TPO: variants seen among roughly 807,000 people sequenced by gnomAD.
The protein encoded by TPO is thyroid microsomal antigen.
A neutral mutation model predicts 96.9 loss-of-function variants in TPO; 78 were observed. The observed-to-expected ratio is 0.81, with a 90% confidence interval of 0.67 to 0.97. TPO has a LOEUF of 0.97. Ranked by LOEUF, TPO falls within the 50% of genes least tolerant of loss-of-function variation. The probability of loss-of-function intolerance (pLI) is 0.00; values close to 1 mark genes in which losing one functional copy is unlikely to be tolerated. For missense variants in TPO, 1,252 were observed against 1,274.8 expected (o/e 0.98, Z 0.27); for synonymous variants, 547 against 538.0 (o/e 1.02, Z -0.23).
intron 14 of TPO, among the ~76,000 whole-genome samples, chr2:1,515,338 G>T (rs905040341): frequency 6.6e-6 from 1 of 152,336 alleles, no homozygotes; most frequent in African/African-American, 2.4e-5. Context: ...TGGGCTTTTA[G>T]CAAGAGGCTG....
intron 15 of TPO, among the ~76,000 whole-genome samples, chr2:1,518,020 C>T (rs1006198285): frequency 4.6e-5 from 7 of 152,056 alleles, no homozygotes; most frequent in African/African-American, 7.2e-5. Context: ...CAGTCACCTT[C>T]GCCCTCCACC....
At chr2:1,534,787 C>A (rs1373069551) in intron 15 of TPO, among the ~76,000 whole-genome samples, 1 of 150,062 alleles carries the variant, frequency 6.7e-6, no homozygotes, top group Non-Finnish European at 1.5e-5. Context: ...AATATCCCCA[C>A]TGTGGGTAAC....
At chr2:1,465,900 ATTCCTCTGG>A (rs1558318970) in intron 7 of TPO, among the ~76,000 whole-genome samples, 1 of 152,010 alleles carries the variant, frequency 6.6e-6, no homozygotes, top group Non-Finnish European at 1.5e-5. Flanking sequence ...CTTTTGTCTG[ATTCCTCTGG>A]CTAGGATTTC....
Position 1,496,804 on chromosome 2 carries a change from A to G in TPO, c.2386+39A>G, listed in dbSNP as rs555631529. On this transcript the variant is annotated intron_variant, in intron 13 of 16. Transcript: ENST00000329066. ...TCAATGACAATTACAAAACATCTGAATGTTTCCGATATAAGTTAACAATGC... is the reference window on the plus strand; with the variant it reads ...TCAATGACAATTACAAAACATCTGAGTGTTTCCGATATAAGTTAACAATGC... 121 of 1,613,720 alleles carry G rather than the reference A, an allele frequency of 7.5e-5. 2 individuals are homozygous for G. In the South Asian group the frequency reaches 1.3e-3, roughly 17 times the overall value.
intron 8 of TPO, among the ~76,000 whole-genome samples, chr2:1,480,853 C>CACGTCCCTGCTGCTGCGTCTGTCCT (rs1202698254): frequency 1.1e-4 from 13 of 115,570 alleles, no homozygotes; most frequent in South Asian, 2.7e-4. Context: ...CTCACCATAC[C>CACGTCCCTGCTGCTGCGTCTGTCCT]CACTCTAATT....
chr2:1,409,850 C>T (rs1275307777), upstream of TPO, among the ~76,000 whole-genome samples: 5 of 151,624 alleles, frequency 3.3e-5, no homozygotes, highest in Non-Finnish European at 1.5e-5. Flanking sequence ...CACCAAAAGA[C>T]AAACACCTCA....
intron 8 of TPO, among the ~76,000 whole-genome samples, chr2:1,483,226 AG>A (rs1448327586): frequency 6.6e-6 from 1 of 152,198 alleles, no homozygotes; most frequent in Non-Finnish European, 1.5e-5. Context: ...GTTAACAGCT[AG>A]CCGGGCACAG....
chr2:1,523,064 A>C (rs374845211), intron 15 of TPO, among the ~76,000 whole-genome samples: 82 of 40,348 alleles, frequency 2.0e-3, no homozygotes, highest in African/African-American at 3.9e-3. Flanking sequence ...GTGCAACCTC[A>C]CCAAATCCCG....
chr2:1,467,632 C>T (rs1194000295), intron 7 of TPO, among the ~76,000 whole-genome samples: 1 of 152,026 alleles, frequency 6.6e-6, no homozygotes, highest in Non-Finnish European at 1.5e-5. Flanking sequence ...GAGAAAGCTC[C>T]ATGTGCTGTT....
At chr2:1,489,817 C>T (rs1573400920) in intron 10 of TPO, among the ~76,000 whole-genome samples, 1 of 152,234 alleles carries the variant, frequency 6.6e-6, no homozygotes, top group East Asian at 1.9e-4. Flanking sequence ...GGATGAATCT[C>T]TTAATTAACC....
Position 1,399,228 on chromosome 2 carries a change from G to A in TPO, n.180+24826G>A, listed in dbSNP as rs546536020. Among the ~76,000 whole-genome samples the A allele has an allele frequency of 2.0e-4, 31 of 152,318 alleles. No individual in the cohort carries two copies. The South Asian group carries it at 3.7e-3, about 18-fold the overall frequency. On this transcript the variant is annotated intron_variant and non_coding_transcript_variant, in intron 1 of 5. Transcript: ENST00000497517. ...GCCCCCCCGAGGGAGGCAGAGCCAC[G>A]TGCTCTCCAAGCCCTCCTGGGCATC...
chr2:1,514,385 C>T (rs756459586), intron 14 of TPO, among the ~76,000 whole-genome samples: 30 of 152,200 alleles, frequency 2.0e-4, no homozygotes, highest in Non-Finnish European at 4.1e-4. Flanking sequence ...GTCAAGCGGA[C>T]ACATAAAATT....
intron 5 of TPO, among the ~76,000 whole-genome samples, chr2:1,449,598 A>G (rs961867599): frequency 6.6e-6 from 1 of 152,216 alleles, no homozygotes. Flanking sequence ...AAATCCACCA[A>G]TGGCACTAAG....
At chr2:1,432,351 G>T (rs567796208) in intron 3 of TPO, among the ~76,000 whole-genome samples, 17 of 152,356 alleles carry the variant, frequency 1.1e-4, no homozygotes, top group African/African-American at 3.8e-4. Context: ...TTCTCTCCAG[G>T]TTCCCCAGGT....
At chr2:1,376,109 G>T (rs76238144) in intron 1 of TPO, among the ~76,000 whole-genome samples, 1 of 152,110 alleles carries the variant, frequency 6.6e-6, no homozygotes, top group African/African-American at 2.4e-5. Context: ...CTGTTCCTCC[G>T]AGGAGTTAGC....
upstream of TPO, among the ~76,000 whole-genome samples, chr2:1,412,231 T>TAA (rs1210190550): frequency 6.6e-6 from 1 of 152,226 alleles, no homozygotes; most frequent in Non-Finnish European, 1.5e-5. Flanking sequence ...CTAGGGCCAG[T>TAA]ACATGAGATT....
chr2:1,534,048 A>G (rs972632481), intron 15 of TPO, among the ~76,000 whole-genome samples: 85 of 19,880 alleles, frequency 4.3e-3, no homozygotes, highest in Middle Eastern at 0.042. Flanking sequence ...CCCAAATCCC[A>G]CCACTGTGTT....
intron 8 of TPO, among the ~76,000 whole-genome samples, chr2:1,481,896 C>T (rs559135567): frequency 1.6e-4 from 25 of 152,218 alleles, no homozygotes; most frequent in African/African-American, 6.0e-4. Flanking sequence ...CAGCCAGGCC[C>T]CTACCTCAAG....
chr2:1,519,228 A>C (rs1675003523), intron 15 of TPO, among the ~76,000 whole-genome samples: 1 of 152,174 alleles, frequency 6.6e-6, no homozygotes, highest in Non-Finnish European at 1.5e-5. Flanking sequence ...CAGCCCCAGA[A>C]AACTTAATGA....
Sources: gnomAD v4.1 joint callset for allele counts (sites outside exome capture counted in the v4.1 genomes callset) on GRCh38, gnomAD v4.1.1 for gene constraint, MANE v1.5 for transcripts, NCBI Gene and HGNC (gene_info 2026-07-23, HGNC 2026-07-21) for gene names.